TBCK: variants seen among roughly 807,000 people sequenced by gnomAD.
TBCK encodes the protein TBC domain-containing protein kinase-like protein.
TBCK carries 99 observed loss-of-function variants against 113.4 expected under a neutral mutation model. The observed-to-expected ratio is 0.87, with a 90% confidence interval of 0.74 to 1.03. The LOEUF (loss-of-function observed/expected upper bound fraction) is 1.03. Among genes scored for constraint, TBCK ranks in the 50% least tolerant of loss-of-function variants. The pLI is 0.00. For synonymous variants in TBCK, 369 were observed against 370.8 expected, an observed-to-expected ratio of 1.00 and a Z score of 0.05; for missense variants, 1,045 against 1,061.3, an observed-to-expected ratio of 0.98 and a Z score of 0.21.
rs536943049 is a variant in TBCK at position 106,124,248 on chromosome 4, A to C, written c.2236-7870T>G. On this transcript the variant is annotated intron_variant, in intron 23 of 25. Coordinates refer to ENST00000394708, the MANE Select transcript of TBCK (RefSeq NM_001163435.3). ...TTATGCAGCCAAAAAACACATGAAA[A>C]ATTGCTCATTATCACTGGCCATCAG... 8.5e-5 allele frequency among the ~76,000 whole-genome samples: 13 copies of C among 152,356 alleles called. No individual in the cohort carries two copies. The South Asian group carries it at 2.7e-3, about 32-fold the overall frequency.
intron 25 of TBCK, among the ~76,000 whole-genome samples, chr4:106,086,725 T>G (rs926885302): frequency 6.6e-6 from 1 of 152,150 alleles, no homozygotes; most frequent in Non-Finnish European, 1.5e-5. Context: ...ATCAAAAAAC[T>G]TATCCATCAC....
chr4:106,122,151 G>C (rs1022063990), intron 23 of TBCK, among the ~76,000 whole-genome samples: 1 of 151,658 alleles, frequency 6.6e-6, no homozygotes, highest in Admixed American at 6.6e-5. Context: ...GAAAAAAAGA[G>C]AGAAGAATCA....
chr4:106,219,740 T>C (rs1757449015), intron 19 of TBCK, among the ~76,000 whole-genome samples: 2 of 152,240 alleles, frequency 1.3e-5, no homozygotes, highest in South Asian at 2.1e-4. Flanking sequence ...GGTTTTGCTA[T>C]GTTGTCTAGG....
chr4:106,159,339 A>C (rs1749487041), intron 23 of TBCK, among the ~76,000 whole-genome samples: 1 of 152,110 alleles, frequency 6.6e-6, no homozygotes, highest in South Asian at 2.1e-4. Context: ...AGTAAGAAGT[A>C]AATAATCTGT....
chr4:106,305,260 A>G (rs1767391615), intron 2 of TBCK, among the ~76,000 whole-genome samples: 1 of 152,008 alleles, frequency 6.6e-6, no homozygotes, highest in Non-Finnish European at 1.5e-5. Flanking sequence ...TAAGCTTGTA[A>G]TTAATCAAGA....
chr4:106,129,673 T>C (rs1745649662), intron 23 of TBCK, among the ~76,000 whole-genome samples: 1 of 152,130 alleles, frequency 6.6e-6, no homozygotes, highest in African/African-American at 2.4e-5. Context: ...AAATAGGTAA[T>C]AAAAATGTTT....
intron 23 of TBCK, among the ~76,000 whole-genome samples, chr4:106,169,870 C>CAACCT (rs1750791772): frequency 6.6e-6 from 1 of 152,034 alleles, no homozygotes; most frequent in South Asian, 2.1e-4. Context: ...AAGGAATATG[C>CAACCT]AACCTAGATC....
chr4:106,233,659 AAT>A lies in TBCK; in HGVS notation c.1450-11_1450-10del. On this transcript the variant is annotated splice_polypyrimidine_tract_variant and intron_variant, in intron 15 of 25. Coordinates refer to ENST00000394708, the MANE Select transcript of TBCK (RefSeq NM_001163435.3). ...TTGGCATGAATAGCTCCCTGCAAAA[AAT>A]AAAAGAAGATATATTAATTTATCAT... The A allele has an allele frequency of 6.3e-7, 1 of 1,596,020 alleles. No homozygotes were observed. Among genetic ancestry groups the A allele is most frequent in the Non-Finnish European group, 8.6e-7 (1 of 1,166,888 alleles).
intron 14 of TBCK, among the ~76,000 whole-genome samples, chr4:106,235,727 C>T (rs577410447): frequency 7.2e-5 from 11 of 152,040 alleles, no homozygotes; most frequent in Admixed American, 5.9e-4. Context: ...CTGTTAAAAA[C>T]GTGGTGATAG....
rs549783466 is a variant in TBCK at position 106,143,463 on chromosome 4, C to CA, written c.2236-27086dup. ...TTATGATTTCCCGAAGATAATGTCA[C>CA]AAAAAAGGAAAATAGTAAATGTCTT... is the stretch of plus-strand genomic sequence containing the variant. On this transcript the variant is annotated intron_variant, in intron 23 of 25. Transcript: ENST00000394708. Among the ~76,000 whole-genome samples, 56 of 151,926 alleles carry CA rather than the reference C, an allele frequency of 3.7e-4. 3 individuals carry two copies. In the South Asian group the frequency reaches 0.011, roughly 31 times the overall value.
chr4:106,081,239 C>T (rs545088814), intron 25 of TBCK, among the ~76,000 whole-genome samples: 21 of 152,266 alleles, frequency 1.4e-4, no homozygotes, highest in African/African-American at 4.6e-4. Context: ...CATATATATT[C>T]ACTGCAGCAC....
chr4:106,110,132 T>C (rs1742673682), intron 24 of TBCK, among the ~76,000 whole-genome samples: 1 of 152,222 alleles, frequency 6.6e-6, no homozygotes, highest in Admixed American at 6.5e-5. Context: ...AAAGCCTTTG[T>C]CATTAAATCT....
rs554122364 is a variant in TBCK, at chr4:106,275,424, T to C, written c.267-13212A>G. On this transcript the variant is annotated intron_variant, in intron 3 of 25. Coordinates refer to ENST00000394708, the MANE Select transcript of TBCK (RefSeq NM_001163435.3). ...TCAGCATTGTAGTGGAGGTCCTATC[T>C]AGTGAAATAGGTCAAGAACAAGAAA... Among the ~76,000 whole-genome samples the C allele has an allele frequency of 5.8e-4, 88 of 152,236 alleles. 3 individuals are homozygous for C. The highest frequency in any genetic ancestry group is 1.7e-3 in the Admixed American group (26 of 15,286).
intron 25 of TBCK, among the ~76,000 whole-genome samples, chr4:106,078,048 T>G (rs978677139): frequency 1.3e-5 from 2 of 152,312 alleles, no homozygotes; most frequent in Admixed American, 1.3e-4. Flanking sequence ...GACTTTTGGG[T>G]AAATAACAAA....
chr4:106,171,143 C>T lies in TBCK; in HGVS notation c.2187G>A (p.Ser729=), dbSNP rs375976669. The T allele has an allele frequency of 5.6e-6, 9 of 1,612,426 alleles. No homozygotes were observed. Among genetic ancestry groups the T allele is most frequent in the Admixed American group, 3.3e-5 (2 of 59,740 alleles). ...PSSDSSGGRS[S]APYFSAECPD... is the part of the protein sequence containing the mutation. Reference sequence around the variant, plus strand: ...GACACTCAGCAGAGAAATAAGGTGCCGAACTTCTGCCTCCACTGCTGTCAG... The same window carrying T: ...GACACTCAGCAGAGAAATAAGGTGCTGAACTTCTGCCTCCACTGCTGTCAG... The change falls in exon 23 of 26, where the codon TCG becomes TCA. Residue 729 remains serine, a synonymous_variant. Transcript: ENST00000394708.
intron 3 of TBCK, among the ~76,000 whole-genome samples, chr4:106,288,933 A>T (rs1391851590): frequency 6.6e-6 from 1 of 152,254 alleles, no homozygotes; most frequent in Non-Finnish European, 1.5e-5. Flanking sequence ...TCATTCAAAC[A>T]TAAATGAAGT....
chr4:106,315,569 G>A (rs1415687044), intron 1 of TBCK: 1 of 152,178 alleles, frequency 6.6e-6, no homozygotes, highest in African/African-American at 2.4e-5. Context: ...TCAAGGGGGT[G>A]TTACACTTTG....
intron 25 of TBCK, 21 bp downstream of exon 25, chr4:106,095,461 G>T (rs903368153): frequency 6.2e-7 from 1 of 1,608,198 alleles, no homozygotes; most frequent in South Asian, 1.1e-5. Context: ...ATGTACATAT[G>T]ACATTTCTGA....
chr4:106,243,481 C>T (rs1006627352), intron 11 of TBCK, among the ~76,000 whole-genome samples: 14 of 151,850 alleles, frequency 9.2e-5, no homozygotes, highest in African/African-American at 3.4e-4. Flanking sequence ...TTGGAATTTC[C>T]GTAATCTTAC....
Sources: allele counts gnomAD v4.1 joint callset (sites outside exome capture counted in the v4.1 genomes callset), GRCh38; gene constraint gnomAD v4.1.1; transcripts MANE v1.5; gene names NCBI Gene and HGNC (gene_info 2026-07-23, HGNC 2026-07-21).